DOCK2: variants seen among roughly 807,000 people sequenced by gnomAD.
DOCK2 encodes the protein dedicator of cytokinesis protein 2.
DOCK2 carries 87 observed loss-of-function variants against 248.9 expected under a neutral mutation model. The ratio of observed to expected loss-of-function variants is 0.35; its 90% CI spans 0.29 to 0.42. The LOEUF is 0.42. Ranked by LOEUF, DOCK2 falls within the 10% of genes least tolerant of loss-of-function variation. The pLI is 1.00. For missense variants in DOCK2, 1,747 were observed against 2,300.2 expected, an observed-to-expected ratio of 0.76 and a Z score of 4.92; for synonymous variants, 805 against 821.6, an observed-to-expected ratio of 0.98 and a Z score of 0.35.
chr5:169,958,534 G>A (rs528770662), intron 27 of DOCK2, among the ~76,000 whole-genome samples: 18 of 151,602 alleles, frequency 1.2e-4, no homozygotes, highest in South Asian at 4.2e-4. Context: ...CCCCCTTTCC[G>A]TCTTACTATT....
chr5:169,735,227 G>T (rs1044928514), intron 22 of DOCK2, among the ~76,000 whole-genome samples: 1 of 152,062 alleles, frequency 6.6e-6, no homozygotes, highest in African/African-American at 2.4e-5. Context: ...GCCTGCAAGG[G>T]TCTCCTGGTC....
intron 32 of DOCK2, among the ~76,000 whole-genome samples, chr5:170,017,296 A>G (rs1302778285): frequency 6.6e-6 from 1 of 152,072 alleles, no homozygotes; most frequent in East Asian, 1.9e-4. Flanking sequence ...CATCCTGACA[A>G]TGGATGAAAC....
At chr5:170,036,001 G>A (rs758884731) in intron 35 of DOCK2, among the ~76,000 whole-genome samples, 4 of 152,102 alleles carry the variant, frequency 2.6e-5, no homozygotes, top group African/African-American at 7.2e-5. Context: ...AGATTCCTAC[G>A]TATTGCCAAG....
Position 170,083,041 on chromosome 5 carries a change from C to A in DOCK2, c.*183C>A. On this transcript the variant is annotated 3_prime_UTR_variant, in exon 52 of 52. Coordinates refer to ENST00000520908, the MANE Select transcript of DOCK2 (RefSeq NM_004946.3). Reference sequence around the variant, plus strand: ...TGAATGCTAACAAGCCCAGCATCCCCTGGGGCTGTGATCATGGTGGATGAG... The same window carrying A: ...TGAATGCTAACAAGCCCAGCATCCCATGGGGCTGTGATCATGGTGGATGAG... The A allele has an allele frequency of 1.5e-6, 1 of 673,032 alleles. No individual in the cohort carries two copies. Among genetic ancestry groups the A allele is most frequent in the Non-Finnish European group, 2.5e-6 (1 of 402,270 alleles). 41.7% of individuals were successfully genotyped at this position (673,032 alleles called of 1,614,324 possible).
At chr5:169,992,653 T>C (rs111996564) in intron 29 of DOCK2, among the ~76,000 whole-genome samples, 10,190 of 152,072 alleles carry the variant, frequency 0.067, 1,062 homozygotes, top group African/African-American at 0.22. Context: ...TTAGTAGAAA[T>C]GGGGTTTCAC....
chr5:169,987,919 C>A (rs1778112441), intron 29 of DOCK2, among the ~76,000 whole-genome samples: 1 of 152,132 alleles, frequency 6.6e-6, no homozygotes, highest in Admixed American at 6.5e-5. Flanking sequence ...AGTCATTTAA[C>A]CTCTTGGAGT....
At chr5:169,739,141 A>T (rs1763186069) in intron 22 of DOCK2, among the ~76,000 whole-genome samples, 1 of 152,238 alleles carries the variant, frequency 6.6e-6, no homozygotes, top group Non-Finnish European at 1.5e-5. Context: ...GGGGTTAATT[A>T]TCCTTTTCAG....
chr5:169,954,607 G>A (rs145263442), intron 27 of DOCK2, among the ~76,000 whole-genome samples: 88 of 152,320 alleles, frequency 5.8e-4, no homozygotes, highest in East Asian at 2.1e-3. Flanking sequence ...TTTATGAAAG[G>A]GATAACTCAG....
chr5:169,874,518 G>T (rs1274305302), intron 27 of DOCK2, among the ~76,000 whole-genome samples: 1 of 151,906 alleles, frequency 6.6e-6, no homozygotes, highest in Non-Finnish European at 1.5e-5. Context: ...CTTCATGCAT[G>T]GTCCTTGGTT....
chr5:169,939,628 T>C (rs575574011), intron 27 of DOCK2, among the ~76,000 whole-genome samples: 1 of 152,324 alleles, frequency 6.6e-6, no homozygotes, highest in South Asian at 2.1e-4. Flanking sequence ...CATTGTGTTA[T>C]GACATTAGGA....
Position 169,714,945 on chromosome 5 carries a change from G to A in DOCK2, c.1941+488G>A, listed in dbSNP as rs143150832. On this transcript the variant is annotated intron_variant, in intron 19 of 51. Transcript: ENST00000520908. The stretch of plus-strand genomic sequence containing the variant: ...TATATGCATATATATGTATGTATGT[G>A]TGTGAGCATATATATGTGTGCATAT... 4.4e-3 allele frequency among the ~76,000 whole-genome samples: 673 copies of A among 152,194 alleles called. 3 individuals carry two copies. Among genetic ancestry groups the A allele is most frequent in the Admixed American group, 9.7e-3 (149 of 15,288 alleles).
intron 27 of DOCK2, among the ~76,000 whole-genome samples, chr5:169,859,889 A>C (rs1365565193): frequency 6.6e-6 from 1 of 150,540 alleles, no homozygotes; most frequent in Admixed American, 6.6e-5. Context: ...TTATGTGCCC[A>C]TGTGCTCTTT....
At chr5:169,866,195 G>T (rs964404610) in intron 27 of DOCK2, among the ~76,000 whole-genome samples, 1 of 152,270 alleles carries the variant, frequency 6.6e-6, no homozygotes. Flanking sequence ...TTTCATCCAG[G>T]CTTGCTTCTC....
At chr5:170,030,601 G>GA (rs1183353547) in intron 34 of DOCK2, among the ~76,000 whole-genome samples, 6 of 152,330 alleles carry the variant, frequency 3.9e-5, no homozygotes, top group African/African-American at 1.4e-4. Context: ...TCCCTAGTCT[G>GA]AAAATCCAAA....
At chr5:169,639,934 G>C (rs1300062355) in intron 1 of DOCK2, among the ~76,000 whole-genome samples, 1 of 152,212 alleles carries the variant, frequency 6.6e-6, no homozygotes, top group Non-Finnish European at 1.5e-5. Flanking sequence ...AGTTCTCGAG[G>C]CTGGAAGTCT....
intron 22 of DOCK2, among the ~76,000 whole-genome samples, chr5:169,727,082 GA>G (rs1236217147): frequency 6.7e-6 from 1 of 148,254 alleles, no homozygotes; most frequent in East Asian, 2.0e-4. Flanking sequence ...AAAAAAAAAA[GA>G]AAAAAGAAAG....
chr5:169,698,552 A>C, intron 11 of DOCK2, 103 bp downstream of exon 11: 1 of 1,287,872 alleles, frequency 7.8e-7, no homozygotes, highest in Non-Finnish European at 1.1e-6. Flanking sequence ...AGTGATAGGC[A>C]GGTGGAGCCT....
intron 32 of DOCK2, 127 bp from the exon 33 acceptor site, chr5:170,018,833 A>G (rs1755623362): frequency 6.5e-6 from 8 of 1,231,786 alleles, no homozygotes; most frequent in Non-Finnish European, 9.0e-6. Flanking sequence ...ATGGTAAACA[A>G]CTATATAAGT....
chr5:169,800,174 A>G (rs1766880429), intron 25 of DOCK2, among the ~76,000 whole-genome samples: 1 of 152,192 alleles, frequency 6.6e-6, no homozygotes, highest in Admixed American at 6.5e-5. Flanking sequence ...TCTATCTACA[A>G]TTTTAAGCAA....
Sources: gnomAD v4.1 joint callset for allele counts (sites outside exome capture counted in the v4.1 genomes callset) on GRCh38, gnomAD v4.1.1 for gene constraint, MANE v1.5 for transcripts, NCBI Gene and HGNC (gene_info 2026-07-23, HGNC 2026-07-21) for gene names.